The following MST1R variants were observed in gnomAD, a reference collection of about 807,000 sequenced individuals.
The protein encoded by MST1R is macrophage stimulating 1 receptor.
Under a neutral mutation model 117.8 loss-of-function variants are expected in MST1R, and 99 were observed. That is an observed-to-expected ratio of 0.84 (90% CI 0.71 to 0.99). MST1R has a LOEUF of 0.99. MST1R is among the 50% of genes least tolerant of loss of function. MST1R has a pLI of 0.00. For missense variants in MST1R, 1,683 were observed against 1,840.2 expected (o/e 0.91, Z 1.56); for synonymous variants, 734 against 765.3 (o/e 0.96, Z 0.68).
At position 49,903,552 on chromosome 3, in the gene MST1R, T is replaced by C. The variant is rs1321008909; in HGVS notation, c.58A>G (p.Lys20Glu). 6.3e-7 allele frequency: 1 copy of C among 1,596,110 alleles called. No homozygotes were observed. Among genetic ancestry groups the C allele is most frequent in the South Asian group, 1.1e-5 (1 of 90,180 alleles). ...TGCCAGTCCTCGCCCGCCGCGGGCTTGGCAGGCAACAGCAGCAGCAACAGG... is the reference window on the plus strand; with the variant it reads ...TGCCAGTCCTCGCCCGCCGCGGGCTCGGCAGGCAACAGCAGCAGCAACAGG... ...SFLLLLLLPA[K>E]PAAGEDWQCP... Residue 20 changes from lysine (K) to glutamate (E), a missense_variant, in exon 1 of 20, where the codon AAG becomes GAG. By Grantham distance (56) the Lys-to-Glu change is moderately conservative. Coordinates refer to ENST00000296474, the MANE Select transcript of MST1R (RefSeq NM_002447.4).
At position 49,895,313 on chromosome 3, in the gene MST1R, T is replaced by C; in HGVS notation, c.3125A>G (p.Asp1042Gly). The change falls in exon 14 of 20, where the codon GAT (aspartate) becomes GGT (glycine). Residue 1042 changes from aspartate (D) to glycine (G), a missense_variant. Asp to Gly is a moderately conservative substitution (Grantham distance 94, BLOSUM62 -1). Coordinates refer to ENST00000296474, the MANE Select transcript of MST1R (RefSeq NM_002447.4). Reference protein sequence around the residue: ...TTCVHGASFSDSEDESCVPLL... With the variant: ...TTCVHGASFSGSEDESCVPLL... Reference sequence around the variant, plus strand: ...TGGCACACAGGATTCATCTTCACTATCGGAGAAGGATGCTCCATGGACACA... The same window carrying C: ...TGGCACACAGGATTCATCTTCACTACCGGAGAAGGATGCTCCATGGACACA... 1 of 1,614,186 alleles carries C rather than the reference T, an allele frequency of 6.2e-7. No individual in the cohort carries two copies. Among genetic ancestry groups the C allele is most frequent in the Non-Finnish European group, 8.5e-7 (1 of 1,180,054 alleles).
In MST1R at chr3:49,896,009, G is replaced by A. The variant is rs1325886957; in HGVS notation, c.2748C>T (p.Cys916=). 6.3e-7 allele frequency: 1 copy of A among 1,597,526 alleles called. No individual in the cohort carries two copies. Among genetic ancestry groups the A allele is most frequent in the Non-Finnish European group, 8.5e-7 (1 of 1,171,958 alleles). The change falls in exon 11 of 20, where the codon TGC becomes TGT. Residue 916 remains cysteine, a synonymous_variant. Coordinates refer to ENST00000296474, the MANE Select transcript of MST1R (RefSeq NM_002447.4). ...QHEFRGDMVV[C]PLPPSLQLGQ... ...CAAGCTGCAGGGATGGGGGCAGGGGGCAGACAACCATGTCCCCCCGGAACT... is the reference window on the plus strand; with the variant it reads ...CAAGCTGCAGGGATGGGGGCAGGGGACAGACAACCATGTCCCCCCGGAACT...
intron 14 of MST1R, among the ~76,000 whole-genome samples, chr3:49,892,644 T>G: frequency 7.0e-6 from 1 of 142,846 alleles, no homozygotes; most frequent in Non-Finnish European, 1.5e-5. Context: ...GGTAACATAG[T>G]GAGATGCTGT....
Position 49,903,097 on chromosome 3 carries a change from G to C in MST1R, c.513C>G (p.Pro171=), listed in dbSNP as rs141636513. The C allele has an allele frequency of 2.4e-5, 39 of 1,606,078 alleles. 2 individuals carry two copies. The East Asian group carries it at 8.0e-4, about 33-fold the overall frequency. ...ACLFSAHHNR[P]DDCPDCVASP... is the part of the protein sequence containing the mutation. ...TGGCCACACAGTCGGGGCAGTCATC[G>C]GGCCGGTTATGGTGGGCTGAGAAGA... The change falls in exon 1 of 20, where the codon CCC becomes CCG. Residue 171 remains proline, a synonymous_variant. Coordinates refer to ENST00000296474, the MANE Select transcript of MST1R (RefSeq NM_002447.4).
intron 12 of MST1R, 59 bp downstream of exon 12, chr3:49,895,656 C>A: frequency 6.2e-7 from 1 of 1,612,272 alleles, no homozygotes; most frequent in South Asian, 1.1e-5. Flanking sequence ...GATGTAGGGA[C>A]TTGAAGATGC....
rs1255771537 is a variant in MST1R at position 49,891,214 on chromosome 3, C to T, written c.3627G>A (p.Leu1209=). ...ACTCTCACATGCAGTTCCGCGCAGC[C>T]AGGTCCCTGTGCACAAACTTCTGCT... is the stretch of plus-strand genomic sequence containing the variant. The part of the protein sequence containing the change: ...LAEQKFVHRD[L]AARNCMLDES... Residue 1209 remains leucine (L), a synonymous_variant, in exon 17 of 20, where the codon CTG becomes CTA. Coordinates refer to ENST00000296474, the MANE Select transcript of MST1R (RefSeq NM_002447.4). 1 of 1,613,866 alleles carries T rather than the reference C, an allele frequency of 6.2e-7. No homozygotes were observed. The highest frequency in any genetic ancestry group is 1.3e-5 in the African/African-American group (1 of 74,942).
chr3:49,898,213 T>C lies in MST1R; in HGVS notation c.1720-2A>G, dbSNP rs150563388. On this transcript the variant is annotated splice_acceptor_variant, in intron 4 of 19. Coordinates refer to ENST00000296474, the MANE Select transcript of MST1R (RefSeq NM_002447.4). LOFTEE classifies it high-confidence loss of function. ...TAGAGGTCCACTGTGGGGGTGGAAC[T>C]GAAATGGGGGAAACAGCCTGAGTCC... The C allele has an allele frequency of 5.8e-5, 93 of 1,613,536 alleles. 1 individual carries two copies. Among genetic ancestry groups the C allele is most frequent in the Admixed American group, 5.5e-4 (33 of 60,024 alleles).
At chr3:49,893,904 A>AT (rs2082388232) in intron 14 of MST1R, among the ~76,000 whole-genome samples, 1 of 147,662 alleles carries the variant, frequency 6.8e-6, no homozygotes, top group South Asian at 2.1e-4. Context: ...CTCTCAAAAA[A>AT]AAAAAAAAAA....
Position 49,895,364 on chromosome 3 carries a change from G to C in MST1R, c.3074C>G (p.Ala1025Gly). ...AGTGGTGGAATCCAGACCATCAATG[G>C]CAGGGAGTGCTGTGGGGAGAGGGAA... is the stretch of plus-strand genomic sequence containing the variant. ...SDYRSGLALP[A>G]IDGLDSTTCV... is the part of the protein sequence containing the mutation. Residue 1025 changes from alanine (A) to glycine (G), a missense_variant, in exon 14 of 20, where the codon GCC becomes GGC. Coordinates refer to ENST00000296474, the MANE Select transcript of MST1R (RefSeq NM_002447.4). The C allele has an allele frequency of 6.2e-7, 1 of 1,614,246 alleles. No homozygotes were observed. Among genetic ancestry groups the C allele is most frequent in the Non-Finnish European group, 8.5e-7 (1 of 1,180,052 alleles).
intron 3 of MST1R, 39 bp downstream of exon 3, chr3:49,898,828 C>T (rs377086437): frequency 1.9e-6 from 3 of 1,612,598 alleles, no homozygotes; most frequent in Non-Finnish European, 2.5e-6. Context: ...TCTGTGATCC[C>T]ACAACCCTGG....
At chr3:49,893,910 A>C (rs9815930) in intron 14 of MST1R, among the ~76,000 whole-genome samples, 1 of 133,290 alleles carries the variant, frequency 7.5e-6, no homozygotes, top group Non-Finnish European at 1.6e-5. Flanking sequence ...AAAAAAAAAA[A>C]AAAATAAAAT....
intron 7 of MST1R, 36 bp from the exon 8 acceptor site, chr3:49,896,926 CTT>C: frequency 6.9e-7 from 1 of 1,459,092 alleles, no homozygotes; most frequent in East Asian, 2.5e-5. Context: ...AGGTTACCCT[CTT>C]TGTGATGGCC....
intron 18 of MST1R, among the ~76,000 whole-genome samples, chr3:49,890,278 T>C (rs2082274274): frequency 6.6e-6 from 1 of 152,176 alleles, no homozygotes; most frequent in Non-Finnish European, 1.5e-5. Context: ...CTGGATTATC[T>C]GTGAGGAGCC....
intron 8 of MST1R, 34 bp from the exon 9 acceptor site, chr3:49,896,667 G>A (rs2108448014): frequency 6.2e-7 from 1 of 1,611,808 alleles, no homozygotes; most frequent in Non-Finnish European, 8.5e-7. Flanking sequence ...GGCTTTGGGT[G>A]TTCTCCAAAG....
chr3:49,903,504 CCGCGT>C lies in MST1R; in HGVS notation c.101_105del (p.Tyr34CysfsTer6), dbSNP rs2082764567. On this transcript the variant is annotated frameshift_variant, in exon 1 of 20. Coordinates refer to ENST00000296474, the MANE Select transcript of MST1R (RefSeq NM_002447.4). LOFTEE classifies it high-confidence loss of function. ...TACTTCACGTCAAAGTCGCGAGAGG[CCGCGT>C]AGGGGGTGCGCGGGCACTGCCAGTC... is the stretch of plus-strand genomic sequence containing the variant. 6.2e-7 allele frequency: 1 copy of C among 1,610,252 alleles called. No homozygotes were observed. Among genetic ancestry groups the C allele is most frequent in the African/African-American group, 1.3e-5 (1 of 74,952 alleles).
intron 14 of MST1R, among the ~76,000 whole-genome samples, chr3:49,894,115 TGA>T: frequency 6.6e-6 from 1 of 150,696 alleles, no homozygotes; most frequent in Admixed American, 6.6e-5. Context: ...CTCAGGAAGC[TGA>T]GACAGGAGAA....
At chr3:49,895,408 AG>A (rs754739303) in intron 13 of MST1R, 35 bp from the exon 14 acceptor site, 1 of 1,613,992 alleles carries the variant, frequency 6.2e-7, no homozygotes, top group African/African-American at 1.3e-5. Context: ...TTGTAGGGAC[AG>A]GGGGTGGCTT....
Position 49,897,560 on chromosome 3 carries a change from C to T in MST1R, c.2006G>A (p.Arg669Gln), listed in dbSNP as rs899351560. The part of the protein sequence containing the change: ...VTNMPPGKHF[R>Q]VDGTSVLRGF... ...TCTCAGCACGGAGGTGCCGTCTACCCGGAAGTGCTTGCCCGGTGGCATGTT... is the reference window on the plus strand; with the variant it reads ...TCTCAGCACGGAGGTGCCGTCTACCTGGAAGTGCTTGCCCGGTGGCATGTT... The change falls in exon 6 of 20, where the codon CGG (arginine) becomes CAG (glutamine). Residue 669 changes from arginine (R) to glutamine (Q), a missense_variant. By Grantham distance (43) the Arg-to-Gln change is conservative. Transcript: ENST00000296474. 3.7e-6 allele frequency: 6 copies of T among 1,613,938 alleles called. No individual in the cohort carries two copies. The highest frequency in any genetic ancestry group is 1.3e-5 in the African/African-American group (1 of 74,944).
At position 49,895,261 on chromosome 3, in the gene MST1R, T is replaced by C; in HGVS notation, c.3177A>G (p.Leu1059=). 6.2e-7 allele frequency: 1 copy of C among 1,614,134 alleles called. No individual in the cohort carries two copies. Among genetic ancestry groups the C allele is most frequent in the Non-Finnish European group, 8.5e-7 (1 of 1,180,004 alleles). The part of the protein sequence containing the change: ...VPLLRKESIQ[L]RDLDSALLAE... ...CCAAGAGCGCAGAGTCCAGGTCCCTTAGCTGGATGGACTCTTTCCGCAGCA... is the reference window on the plus strand; with the variant it reads ...CCAAGAGCGCAGAGTCCAGGTCCCTCAGCTGGATGGACTCTTTCCGCAGCA... The change falls in exon 14 of 20, where the codon CTA becomes CTG. Residue 1059 remains leucine, a synonymous_variant. Transcript: ENST00000296474.
Sources: allele counts gnomAD v4.1 joint callset (sites outside exome capture counted in the v4.1 genomes callset), GRCh38; gene constraint gnomAD v4.1.1; transcripts MANE v1.5; gene names NCBI Gene and HGNC (gene_info 2026-07-23, HGNC 2026-07-21).